The following CCDC110 variants were observed in gnomAD, a reference collection of about 807,000 sequenced individuals.
CCDC110 encodes coiled-coil domain-containing protein 110.
In CCDC110, 70 loss-of-function variants were observed where a neutral mutation model predicts 77.1. The observed-to-expected ratio is 0.91, with a 90% CI of 0.75 to 1.11. The LOEUF is 1.11. Ranked by LOEUF, CCDC110 falls within the 50% of genes least tolerant of loss-of-function variation. The pLI, the probability that CCDC110 is intolerant of heterozygous loss-of-function variation, is 0.00. For missense variants in CCDC110, 868 were observed against 942.9 expected (o/e 0.92, Z 1.04); for synonymous variants, 295 against 312.5 (o/e 0.94, Z 0.59).
chr4:185,466,506 T>C (rs2095656410), intron 2 of CCDC110, among the ~76,000 whole-genome samples: 1 of 152,166 alleles, frequency 6.6e-6, no homozygotes, highest in Admixed American at 6.5e-5. Context: ...GATAGGTCAC[T>C]GTTTCTAGTT....
intron 2 of CCDC110, among the ~76,000 whole-genome samples, chr4:185,464,714 A>T (rs1290420855): frequency 2.0e-5 from 3 of 152,200 alleles, no homozygotes; most frequent in Non-Finnish European, 4.4e-5. Context: ...CTCTATGCAC[A>T]TAAGTGGATG....
intron 6 of CCDC110, among the ~76,000 whole-genome samples, chr4:185,451,168 T>A (rs74740568): frequency 1.3e-5 from 2 of 152,080 alleles, no homozygotes; most frequent in South Asian, 4.1e-4. Flanking sequence ...TCACCTTCCA[T>A]GATGATTGTG....
In CCDC110 at chr4:185,459,134, C is replaced by T; in HGVS notation, c.1453G>A (p.Glu485Lys). ...TTAGACTGAATAGTACTCTTTTCTT[C>T]AACCAGATTCTTAAGTTGCTTTTCA... is the stretch of plus-strand genomic sequence containing the variant. ...TYEKQLKNLV[E>K]EKSTIQSKLS... Residue 485 changes from glutamate (E) to lysine (K), a missense_variant, in exon 6 of 7, where the codon GAA (glutamate) becomes AAA (lysine). Physicochemically the swap from Glu to Lys is moderately conservative, Grantham distance 56. Coordinates refer to ENST00000307588, the MANE Select transcript of CCDC110 (RefSeq NM_152775.4). 6.3e-7 allele frequency: 1 copy of T among 1,598,302 alleles called. No individual in the cohort carries two copies. Among genetic ancestry groups the T allele is most frequent in the South Asian group, 1.1e-5 (1 of 88,680 alleles).
intron 1 of CCDC110, 75 bp downstream of exon 1, chr4:185,471,599 C>A (rs751219177): frequency 6.8e-7 from 1 of 1,480,486 alleles, no homozygotes; most frequent in South Asian, 1.3e-5. Context: ...GAGCGGGGAG[C>A]CGCCTGCTGA....
At chr4:185,447,014 CCTTCTAT>C (rs1276900011) in intron 6 of CCDC110, among the ~76,000 whole-genome samples, 2 of 151,894 alleles carry the variant, frequency 1.3e-5, no homozygotes, top group Admixed American at 6.6e-5. Context: ...GTTCATTCTG[CCTTCTAT>C]CTTCTATCAT....
At chr4:185,466,070 T>C (rs549586081) in intron 2 of CCDC110, among the ~76,000 whole-genome samples, 1 of 152,252 alleles carries the variant, frequency 6.6e-6, no homozygotes, top group African/African-American at 2.4e-5. Context: ...GGAGCAGCAA[T>C]GAACACATCA....
At chr4:185,452,973 CTCTT>C (rs1429208643) in intron 6 of CCDC110, among the ~76,000 whole-genome samples, 1 of 150,138 alleles carries the variant, frequency 6.7e-6, no homozygotes, top group East Asian at 2.0e-4. Flanking sequence ...TTTCTTAAGA[CTCTT>C]TCATTATCTG....
chr4:185,460,862 G>A (rs2095644724), intron 5 of CCDC110, 187 bp downstream of exon 5: 1 of 526,968 alleles, frequency 1.9e-6, no homozygotes, highest in Non-Finnish European at 3.6e-6. Context: ...AAGAGAAATG[G>A]GAAAACTGCA....
chr4:185,460,892 A>C (rs2095644781), intron 5 of CCDC110, 157 bp downstream of exon 5: 3 of 580,516 alleles, frequency 5.2e-6, no homozygotes, highest in African/African-American at 3.7e-5. Context: ...AGGTAAATAC[A>C]CATCTTTTAA....
intron 6 of CCDC110, 101 bp downstream of exon 6, chr4:185,458,025 T>C: frequency 1.2e-6 from 1 of 808,446 alleles, no homozygotes; most frequent in African/African-American, 1.8e-5. Context: ...AACAAAATTG[T>C]ATTCATTTTA....
At chr4:185,448,852 A>C (rs759339891) in intron 6 of CCDC110, among the ~76,000 whole-genome samples, 1 of 147,964 alleles carries the variant, frequency 6.8e-6, no homozygotes, top group South Asian at 2.1e-4. Flanking sequence ...AGAAAGTTCT[A>C]TGATGCTGTT....
intron 4 of CCDC110, 70 bp downstream of exon 4, chr4:185,462,573 A>G (rs2095648324): frequency 8.6e-7 from 1 of 1,157,924 alleles, no homozygotes; most frequent in Non-Finnish European, 1.3e-6. Flanking sequence ...TTGGCTAGTG[A>G]CCATCAGCTT....
chr4:185,461,077 AC>A lies in CCDC110; in HGVS notation c.319del (p.Val107CysfsTer40). 6.3e-7 allele frequency: 1 copy of A among 1,594,882 alleles called. No individual in the cohort carries two copies. The highest frequency in any genetic ancestry group is 8.6e-7 in the Non-Finnish European group (1 of 1,169,202). ...ATCCTTTTCAATGCGCGTGCCAAAC[AC>A]CAGATTTTTTTCTGAGCTAAATTGT... ...NPQFSSEKNL[V>X]FGTRIEKDLP... On this transcript the variant is annotated frameshift_variant, in exon 5 of 7. Coordinates refer to ENST00000307588, the MANE Select transcript of CCDC110 (RefSeq NM_152775.4). LOFTEE classifies it high-confidence loss of function.
chr4:185,470,263 A>G (rs1377470631), intron 2 of CCDC110, among the ~76,000 whole-genome samples: 4 of 152,238 alleles, frequency 2.6e-5, no homozygotes, highest in South Asian at 4.1e-4. Context: ...CTCTGCGGAT[A>G]GCAAAATCTG....
At chr4:185,463,936 A>T (rs1199612995) in intron 2 of CCDC110, among the ~76,000 whole-genome samples, 1 of 152,172 alleles carries the variant, frequency 6.6e-6, no homozygotes, top group South Asian at 2.1e-4. Flanking sequence ...AGTAGACAGA[A>T]GTACTCCAGC....
intron 2 of CCDC110, among the ~76,000 whole-genome samples, chr4:185,469,603 A>AG (rs898113782): frequency 2.0e-5 from 3 of 152,288 alleles, no homozygotes; most frequent in African/African-American, 7.2e-5. Context: ...TCCTTCGTTC[A>AG]GGGGGCCCCT....
chr4:185,466,529 G>A (rs1044879075), intron 2 of CCDC110, among the ~76,000 whole-genome samples: 8 of 152,014 alleles, frequency 5.3e-5, no homozygotes, highest in African/African-American at 1.7e-4. Flanking sequence ...ACTGTGGAAG[G>A]GAAGACAGTG....
At chr4:185,457,715 T>G in intron 6 of CCDC110, 1 of 1,175,162 alleles carries the variant, frequency 8.5e-7, no homozygotes, top group Non-Finnish European at 1.1e-6. Context: ...AATTATTTTG[T>G]GGGGGGAAAA....
chr4:185,462,906 A>T, intron 3 of CCDC110, 88 bp downstream of exon 3: 1 of 1,165,056 alleles, frequency 8.6e-7, no homozygotes, highest in South Asian at 1.3e-5. Context: ...AAGTGAGAGA[A>T]CCCGTTTGCA....
Sources: allele counts gnomAD v4.1 joint callset (sites outside exome capture counted in the v4.1 genomes callset), GRCh38; gene constraint gnomAD v4.1.1; transcripts MANE v1.5; gene names NCBI Gene and HGNC (gene_info 2026-07-23, HGNC 2026-07-21).